Variants in TTC7B observed in about 807,000 individuals in gnomAD.
TTC7B encodes tetratricopeptide repeat domain 7B.
TTC7B carries 28 observed loss-of-function variants against 106.8 expected under a neutral mutation model. The ratio of observed to expected loss-of-function variants is 0.26; its 90% CI spans 0.19 to 0.36. TTC7B has a LOEUF of 0.36. Ranked by LOEUF, TTC7B falls within the 10% of genes least tolerant of loss-of-function variation. The probability of loss-of-function intolerance (pLI) is 1.00; values close to 1 mark genes in which losing one functional copy is unlikely to be tolerated. For missense variants in TTC7B, 862 were observed against 1,076.4 expected (o/e 0.80, Z 2.79); for synonymous variants, 405 against 430.6 (o/e 0.94, Z 0.74).
At chr14:90,686,572 T>C (rs1249759589) in intron 7 of TTC7B, among the ~76,000 whole-genome samples, 1 of 152,188 alleles carries the variant, frequency 6.6e-6, no homozygotes, top group Non-Finnish European at 1.5e-5. Context: ...AATCTTGATA[T>C]AGAAAATCCT....
chr14:90,709,273 C>G (rs1449134271), intron 5 of TTC7B, among the ~76,000 whole-genome samples: 2 of 150,476 alleles, frequency 1.3e-5, no homozygotes, highest in African/African-American at 2.4e-5. Flanking sequence ...ATAGCAAAGA[C>G]TTGGAACCAA....
intron 5 of TTC7B, among the ~76,000 whole-genome samples, chr14:90,726,415 C>A (rs532512744): frequency 6.6e-6 from 1 of 152,314 alleles, no homozygotes; most frequent in South Asian, 2.1e-4. Context: ...TGCCTCCAAG[C>A]CCTGGCAATG....
chr14:90,773,957 C>T (rs1369596212), intron 3 of TTC7B, among the ~76,000 whole-genome samples: 5 of 152,200 alleles, frequency 3.3e-5, no homozygotes, highest in Non-Finnish European at 7.3e-5. Context: ...TTCTTCCCTG[C>T]AGGGGCCACC....
At position 90,608,185 on chromosome 14, in the gene TTC7B, G is replaced by C. The variant is rs536194193; in HGVS notation, c.1966+2557C>G. ...TATGCAACTGGGCTTTATTAATCAA[G>C]ATGGAGGCATTTTTCCCCATTTTTA... is the stretch of plus-strand genomic sequence containing the variant. On this transcript the variant is annotated intron_variant, in intron 17 of 19. Transcript: ENST00000328459. The surrounding 1 kb of genome is among the most constrained non-coding windows in gnomAD (Gnocchi z 5.1). Among the ~76,000 whole-genome samples, 7 of 152,310 alleles carry C rather than the reference G, an allele frequency of 4.6e-5. No individual in the cohort carries two copies. The South Asian group carries it at 1.5e-3, about 32-fold the overall frequency.
At chr14:90,688,368 T>C (rs1325581280) in intron 7 of TTC7B, among the ~76,000 whole-genome samples, 1 of 152,088 alleles carries the variant, frequency 6.6e-6, no homozygotes, top group African/African-American at 2.4e-5. Context: ...CTCACACCTG[T>C]AATCCCAGCA....
Position 90,535,663 on chromosome 14 carries a change from C to G in TTC7B, c.*5705G>C, listed in dbSNP as rs926817921. On this transcript the variant is annotated 3_prime_UTR_variant, in exon 20 of 20. Coordinates refer to ENST00000328459, the MANE Select transcript of TTC7B (RefSeq NM_001010854.2). ...GCTACGCTCTTGAAAGAGACTTCAC[C>G]TTTTCCTCCCCCTTGAGCCCACTCC... 6.6e-6 allele frequency: 1 copy of G among 152,444 alleles called. No homozygotes were observed. The highest frequency in any genetic ancestry group is 1.5e-5 in the Non-Finnish European group (1 of 68,160). The allele number at this position is 152,444 out of a possible 1,614,324, so 9.4% of individuals were successfully genotyped here. A position where few individuals can be genotyped will look rare whatever the true frequency, so the allele number is the denominator to read the frequency against.
intron 3 of TTC7B, among the ~76,000 whole-genome samples, chr14:90,771,641 T>C (rs1489417426): frequency 6.6e-6 from 1 of 151,976 alleles, no homozygotes; most frequent in Non-Finnish European, 1.5e-5. Flanking sequence ...CCGTGCAGCC[T>C]TTACAAACTA....
At chr14:90,664,189 G>A (rs1181013014) in intron 9 of TTC7B, among the ~76,000 whole-genome samples, 1 of 152,144 alleles carries the variant, frequency 6.6e-6, no homozygotes, top group Non-Finnish European at 1.5e-5. Flanking sequence ...GTATGTGTAT[G>A]GGACAGAGTA....
chr14:90,782,804 G>A (rs1022221978), intron 2 of TTC7B, among the ~76,000 whole-genome samples: 13 of 152,142 alleles, frequency 8.5e-5, no homozygotes, highest in Non-Finnish European at 1.3e-4. Context: ...CAAGAGGTTC[G>A]CTCTGGGAAG....
chr14:90,549,923 G>A (rs1369704124), intron 19 of TTC7B, among the ~76,000 whole-genome samples: 1 of 152,140 alleles, frequency 6.6e-6, no homozygotes, highest in Non-Finnish European at 1.5e-5. Flanking sequence ...GATTATGGCT[G>A]TTCTCATTAC....
At chr14:90,585,855 A>T (rs1180221567) in intron 18 of TTC7B, 2 of 152,236 alleles carry the variant, frequency 1.3e-5, no homozygotes, top group African/African-American at 4.8e-5. Flanking sequence ...GATGGCATCC[A>T]TCTCCACCAC....
intron 17 of TTC7B, chr14:90,603,141 C>A (rs1892498985): frequency 4.3e-6 from 3 of 705,294 alleles, no homozygotes; most frequent in African/African-American, 3.7e-5. Context: ...AGAGGGATGT[C>A]CACGTCATCT....
At chr14:90,721,250 G>A (rs1443722290) in intron 5 of TTC7B, among the ~76,000 whole-genome samples, 1 of 152,176 alleles carries the variant, frequency 6.6e-6, no homozygotes, top group African/African-American at 2.4e-5. Context: ...CTTGCTGAAT[G>A]CTGAGGAAGC....
Position 90,780,835 on chromosome 14 carries a change from A to AG in TTC7B, c.347dup (p.Leu117SerfsTer47). ...GGCCCACCCGGGCGTAAATGTTCAG[A>AG]GCTTCTTTATAATCACCTTCCACAT... On this transcript the variant is annotated frameshift_variant, in exon 3 of 20. Coordinates refer to ENST00000328459, the MANE Select transcript of TTC7B (RefSeq NM_001010854.2). LOFTEE classifies it high-confidence loss of function. The AG allele has an allele frequency of 6.2e-7, 1 of 1,614,262 alleles. No homozygotes were observed. The highest frequency in any genetic ancestry group is 8.5e-7 in the Non-Finnish European group (1 of 1,180,042).
rs1325605841 is a variant in TTC7B at position 90,534,659 on chromosome 14, C to T, written c.*6709G>A. On this transcript the variant is annotated 3_prime_UTR_variant, in exon 20 of 20. Coordinates refer to ENST00000328459, the MANE Select transcript of TTC7B (RefSeq NM_001010854.2). ...GGGGCCGAGTGGCAGGGGCCGAGCG[C>T]TGGGAGGGTATGGGGGCATTGGAGG... The T allele has an allele frequency of 6.6e-6, 1 of 152,336 alleles. No individual in the cohort carries two copies. The highest frequency in any genetic ancestry group is 2.4e-5 in the African/African-American group (1 of 41,424). The allele number at this position is 152,336 out of a possible 1,614,324, so 9.4% of individuals were successfully genotyped here.
chr14:90,693,366 C>T (rs993536026), intron 6 of TTC7B, among the ~76,000 whole-genome samples: 6 of 152,074 alleles, frequency 3.9e-5, no homozygotes, highest in Non-Finnish European at 7.4e-5. Flanking sequence ...AGTCAAATTG[C>T]TAACCAACCA....
chr14:90,710,227 A>G (rs1888394067), intron 5 of TTC7B, among the ~76,000 whole-genome samples: 1 of 152,164 alleles, frequency 6.6e-6, no homozygotes, highest in Non-Finnish European at 1.5e-5. Context: ...CAGTGGAGGA[A>G]GTAACTGCAG....
chr14:90,717,467 C>T (rs551430964), intron 5 of TTC7B, among the ~76,000 whole-genome samples: 1 of 152,224 alleles, frequency 6.6e-6, no homozygotes, highest in South Asian at 2.1e-4. Flanking sequence ...CTATGGCAGA[C>T]ATTGCCATAC....
chr14:90,564,220 C>T (rs138228200), intron 19 of TTC7B, among the ~76,000 whole-genome samples: 325 of 152,172 alleles, frequency 2.1e-3, no homozygotes, highest in African/African-American at 7.0e-3. Flanking sequence ...ACAGTCATCT[C>T]CTTGTACAAC....
Sources: gnomAD v4.1 joint callset for allele counts (sites outside exome capture counted in the v4.1 genomes callset) on GRCh38, gnomAD v4.1.1 for gene constraint, Gnocchi (gnomAD v3.1) non-coding constraint, MANE v1.5 for transcripts, NCBI Gene and HGNC (gene_info 2026-07-23, HGNC 2026-07-21) for gene names.